NSUN7: variants seen among roughly 807,000 people sequenced by gnomAD.
NSUN7 encodes the protein NOP2/Sun RNA methyltransferase family member 7, also known as protein NSUN7.
A neutral mutation model predicts 58.5 loss-of-function variants in NSUN7; 39 were observed. That is an observed-to-expected ratio of 0.67 (90% CI 0.52 to 0.87). NSUN7 has a LOEUF of 0.87. NSUN7 is among the 40% of genes least tolerant of loss of function. The probability of loss-of-function intolerance (pLI) is 0.00; values close to 1 mark genes in which losing one functional copy is unlikely to be tolerated. For synonymous variants in NSUN7, 278 were observed against 303.7 expected, an observed-to-expected ratio of 0.92 and a Z score of 0.88; for missense variants, 765 against 844.1, an observed-to-expected ratio of 0.91 and a Z score of 1.16.
At chr4:40,764,541 C>A (rs1163268136) in intron 4 of NSUN7, among the ~76,000 whole-genome samples, 1 of 152,086 alleles carries the variant, frequency 6.6e-6, no homozygotes, top group African/African-American at 2.4e-5. Context: ...AATAAACATA[C>A]ATGTGCATGT....
At chr4:40,799,647 C>T (rs1262716985) in intron 10 of NSUN7, among the ~76,000 whole-genome samples, 2 of 152,046 alleles carry the variant, frequency 1.3e-5, no homozygotes, top group Non-Finnish European at 2.9e-5. Context: ...GAGATTTGAG[C>T]TCAAATTGGA....
chr4:40,790,652 A>G lies in NSUN7; in HGVS notation c.1087A>G (p.Arg363Gly). Residue 363 changes from arginine to glycine, a missense_variant, in exon 8 of 12, where the codon AGG becomes GGG. Transcript: ENST00000381782. ...KFINIESKDH[R>G]LQKVKVILLL... ...TATTAACATTGAATCAAAGGATCAC[A>G]GGTTACAGAAAGTTAAAGTGATTTT... 6.3e-7 allele frequency: 1 copy of G among 1,596,158 alleles called. No homozygotes were observed. The highest frequency in any genetic ancestry group is 8.6e-7 in the Non-Finnish European group (1 of 1,167,740).
At chr4:40,794,127 A>C (rs888637312) in intron 8 of NSUN7, among the ~76,000 whole-genome samples, 1 of 152,164 alleles carries the variant, frequency 6.6e-6, no homozygotes. Flanking sequence ...ATCTCATAGC[A>C]ACTTGGAGAA....
At position 40,776,070 on chromosome 4, in the gene NSUN7, G is replaced by A. The variant is rs1279772421; in HGVS notation, c.847G>A (p.Val283Ile). ...ACAGGACAAATCTCGAAGTCTTGCT[G>A]TCCATTCTGTAAAGGCTTTATTAAA... ...IFQDKSRSLA[V>I]HSVKALLNMD... is the part of the protein sequence containing the mutation. The change falls in exon 7 of 12, where the codon GTC (valine) becomes ATC (isoleucine). Residue 283 changes from valine (V) to isoleucine (I), a missense_variant. Coordinates refer to ENST00000381782, the MANE Select transcript of NSUN7 (RefSeq NM_024677.6). 6.2e-7 allele frequency: 1 copy of A among 1,605,422 alleles called. No homozygotes were observed. Among genetic ancestry groups the A allele is most frequent in the East Asian group, 2.2e-5 (1 of 44,692 alleles).
chr4:40,800,860 C>T (rs1743549556), intron 10 of NSUN7, among the ~76,000 whole-genome samples: 1 of 151,976 alleles, frequency 6.6e-6, no homozygotes, highest in Non-Finnish European at 1.5e-5. Flanking sequence ...TTTATATAAC[C>T]AGTTCTCATT....
rs774424160 is a variant in NSUN7, at chr4:40,808,441, A to G, written c.1659A>G (p.Thr553=). The change falls in exon 12 of 12, where the codon ACA becomes ACG. Residue 553 remains threonine (T), a synonymous_variant. Coordinates refer to ENST00000381782, the MANE Select transcript of NSUN7 (RefSeq NM_024677.6). ...KKKKKSKTSL[T]KGATTDNGIQ... ...AGAAAAAATCAAAAACATCATTGAC[A>G]AAAGGTGCCACTACTGATAATGGCA... 2.5e-6 allele frequency: 4 copies of G among 1,607,148 alleles called. No individual in the cohort carries two copies. Among genetic ancestry groups the G allele is most frequent in the Non-Finnish European group, 3.4e-6 (4 of 1,175,546 alleles).
At chr4:40,769,746 C>T (rs1741908348) in intron 4 of NSUN7, among the ~76,000 whole-genome samples, 1 of 152,150 alleles carries the variant, frequency 6.6e-6, no homozygotes, top group Admixed American at 6.5e-5. Context: ...TGCCAAAATG[C>T]CCTTTAAATA....
At chr4:40,804,371 G>A (rs1322584231) in intron 10 of NSUN7, among the ~76,000 whole-genome samples, 3 of 151,686 alleles carry the variant, frequency 2.0e-5, no homozygotes, top group Admixed American at 6.6e-5. Context: ...ACTAGGAGGC[G>A]GAGGTTGCAG....
At chr4:40,781,680 A>G (rs1477074506) in intron 7 of NSUN7, among the ~76,000 whole-genome samples, 1 of 152,204 alleles carries the variant, frequency 6.6e-6, no homozygotes, top group Admixed American at 6.5e-5. Context: ...TCCTCGGCTC[A>G]AGCAAGCCTT....
chr4:40,766,651 G>A lies in NSUN7; in HGVS notation c.488+5350G>A, dbSNP rs555809870. ...TCTATTGTTTGGAATAGTTTCAGAAGGAATGGTACCAGTTCCTCCTTGTAC... is the reference window on the plus strand; with the variant it reads ...TCTATTGTTTGGAATAGTTTCAGAAAGAATGGTACCAGTTCCTCCTTGTAC... On this transcript the variant is annotated intron_variant, in intron 4 of 11. Transcript: ENST00000381782. 4.4e-3 allele frequency among the ~76,000 whole-genome samples: 672 copies of A among 152,318 alleles called. 1 individual carries two copies. Among genetic ancestry groups the A allele is most frequent in the Non-Finnish European group, 6.9e-3 (472 of 68,030 alleles).
At chr4:40,772,001 G>T (rs1742035846) in intron 4 of NSUN7, among the ~76,000 whole-genome samples, 1 of 151,890 alleles carries the variant, frequency 6.6e-6, no homozygotes, top group South Asian at 2.1e-4. Flanking sequence ...CAGAAGTATA[G>T]GTCTGGTTAT....
At chr4:40,789,781 C>T (rs1742993372) in intron 7 of NSUN7, among the ~76,000 whole-genome samples, 1 of 151,910 alleles carries the variant, frequency 6.6e-6, no homozygotes, top group Non-Finnish European at 1.5e-5. Flanking sequence ...TTTTAAAAGA[C>T]ACAGAGAATA....
chr4:40,780,811 A>ATTT (rs1742519768), intron 7 of NSUN7, among the ~76,000 whole-genome samples: 1 of 94,096 alleles, frequency 1.1e-5, no homozygotes. Context: ...ATATATATAT[A>ATTT]TATTTTTTTT....
chr4:40,769,358 C>A (rs565658645), intron 4 of NSUN7, among the ~76,000 whole-genome samples: 1 of 152,232 alleles, frequency 6.6e-6, no homozygotes, highest in East Asian at 1.9e-4. Context: ...GAAAACTGGC[C>A]AAAATATATC....
At chr4:40,780,844 G>A (rs1200175339) in intron 7 of NSUN7, among the ~76,000 whole-genome samples, 1 of 115,412 alleles carries the variant, frequency 8.7e-6, no homozygotes, top group South Asian at 2.7e-4. Context: ...TTTTGAGACG[G>A]TGTCTCGCTC....
At chr4:40,784,171 A>T (rs1468765082) in intron 7 of NSUN7, among the ~76,000 whole-genome samples, 1 of 152,262 alleles carries the variant, frequency 6.6e-6, no homozygotes, top group Admixed American at 6.5e-5. Context: ...AGAATTGCTG[A>T]TGGGAACATA....
intron 7 of NSUN7, among the ~76,000 whole-genome samples, chr4:40,784,314 C>G (rs1454497704): frequency 6.6e-6 from 1 of 152,124 alleles, no homozygotes; most frequent in African/African-American, 2.4e-5. Context: ...CACACAAAAG[C>G]TTGTACATGA....
chr4:40,783,846 TAA>T (rs1324132904), intron 7 of NSUN7, among the ~76,000 whole-genome samples: 3 of 142,368 alleles, frequency 2.1e-5, no homozygotes, highest in Non-Finnish European at 1.5e-5. Flanking sequence ...AGAATCCATT[TAA>T]AAAAAAAAAA....
At position 40,798,804 on chromosome 4, in the gene NSUN7, G is replaced by C; in HGVS notation, c.1300G>C (p.Val434Leu). ...TAATATAGTTACTAAAGCTCAAGCAGTTGTTTACTGCACATGTTCAGTTTT... is the reference window on the plus strand; with the variant it reads ...TAATATAGTTACTAAAGCTCAAGCACTTGTTTACTGCACATGTTCAGTTTT... ...HAMKFTKAQA[V>L]VYCTCSVFPE... The change falls in exon 10 of 12, where the codon GTT (valine) becomes CTT (leucine). Residue 434 changes from valine (V) to leucine (L), a missense_variant. Coordinates refer to ENST00000381782, the MANE Select transcript of NSUN7 (RefSeq NM_024677.6). The C allele has an allele frequency of 6.2e-7, 1 of 1,607,360 alleles. No individual in the cohort carries two copies. Among genetic ancestry groups the C allele is most frequent in the Non-Finnish European group, 8.5e-7 (1 of 1,175,436 alleles).
Sources: allele counts gnomAD v4.1 joint callset (sites outside exome capture counted in the v4.1 genomes callset), GRCh38; gene constraint gnomAD v4.1.1; transcripts MANE v1.5; gene names NCBI Gene and HGNC (gene_info 2026-07-23, HGNC 2026-07-21).